CCDC178: variants seen among roughly 807,000 people sequenced by gnomAD.
CCDC178 encodes the protein coiled-coil domain-containing protein 178.
CCDC178 carries 126 observed loss-of-function variants against 117.4 expected under a neutral mutation model. The observed-to-expected ratio is 1.07, with a 90% CI of 0.93 to 1.24. The LOEUF is 1.24. Among genes scored for constraint, CCDC178 ranks in the 50% most tolerant of loss-of-function variants. The pLI, the probability that CCDC178 is intolerant of heterozygous loss-of-function variation, is 0.00. For synonymous variants in CCDC178, 283 were observed against 313.4 expected (o/e 0.90, Z 1.02); for missense variants, 1,030 against 986.9 (o/e 1.04, Z -0.59).
rs532501843 is a variant in CCDC178, at chr18:33,219,355, G to T, written c.1933-3660C>A. ...ACTGTAAACTAGTTCAACCATTGTGGAAGACAGTGTGGCAATTCCTCAAGG... is the reference window on the plus strand; with the variant it reads ...ACTGTAAACTAGTTCAACCATTGTGTAAGACAGTGTGGCAATTCCTCAAGG... On this transcript the variant is annotated intron_variant, in intron 18 of 22. Transcript: ENST00000383096. Among the ~76,000 whole-genome samples the T allele has an allele frequency of 2.9e-3, 434 of 152,198 alleles. 2 individuals are homozygous for T. Among genetic ancestry groups the T allele is most frequent in the Non-Finnish European group, 4.9e-3 (331 of 68,006 alleles).
At chr18:33,439,335 G>T (rs1425084912) in intron 2 of CCDC178, among the ~76,000 whole-genome samples, 1 of 151,978 alleles carries the variant, frequency 6.6e-6, no homozygotes, top group Non-Finnish European at 1.5e-5. Context: ...ATCTGAGGTG[G>T]GAGCAGGAGA....
intron 3 of CCDC178, among the ~76,000 whole-genome samples, chr18:33,399,352 G>A (rs2063680652): frequency 6.6e-6 from 1 of 152,150 alleles, no homozygotes. Context: ...CTCAAAGTAG[G>A]ACAATGAAGT....
intron 9 of CCDC178, among the ~76,000 whole-genome samples, chr18:33,339,634 T>C (rs1353841033): frequency 6.6e-6 from 1 of 151,872 alleles, no homozygotes; most frequent in East Asian, 1.9e-4. Flanking sequence ...CCACATGTTG[T>C]GGAAGGGACC....
At chr18:33,253,302 A>G (rs2059638064) in intron 14 of CCDC178, among the ~76,000 whole-genome samples, 1 of 151,862 alleles carries the variant, frequency 6.6e-6, no homozygotes, top group African/African-American at 2.4e-5. Context: ...TGAACAGTAT[A>G]CCATATATTG....
intron 3 of CCDC178, among the ~76,000 whole-genome samples, chr18:33,399,159 C>T (rs551785538): frequency 6.6e-6 from 1 of 151,464 alleles, no homozygotes; most frequent in African/African-American, 2.4e-5. Context: ...GAGATCACGC[C>T]ACTGCACTCC....
At chr18:33,288,386 T>C (rs1599110514) in intron 12 of CCDC178, among the ~76,000 whole-genome samples, 1 of 65,844 alleles carries the variant, frequency 1.5e-5, no homozygotes. Flanking sequence ...TCCCCTCCTC[T>C]CCCCCCCTCC....
intron 14 of CCDC178, among the ~76,000 whole-genome samples, 172 bp from the exon 15 acceptor site, chr18:33,245,600 C>T (rs2059540806): frequency 6.6e-6 from 1 of 151,832 alleles, no homozygotes; most frequent in Non-Finnish European, 1.5e-5. Context: ...ATTTATTCTG[C>T]TGCTTCTGAT....
intron 6 of CCDC178, among the ~76,000 whole-genome samples, chr18:33,368,299 T>G (rs2063245103): frequency 6.6e-6 from 1 of 152,018 alleles, no homozygotes; most frequent in Non-Finnish European, 1.5e-5. Flanking sequence ...GTGCCTCAGA[T>G]GTATGCAGAA....
Position 32,982,931 on chromosome 18 carries a change from C to T in CCDC178, c.2389-8250G>A, listed in dbSNP as rs961523697. On this transcript the variant is annotated intron_variant, in intron 21 of 22. Transcript: ENST00000383096. ...TTGTCCAAACCCATAGAATGTACAACACCAAGAGTGAACCCTAAAGTATGA... is the reference window on the plus strand; with the variant it reads ...TTGTCCAAACCCATAGAATGTACAATACCAAGAGTGAACCCTAAAGTATGA... 1.0e-3 allele frequency among the ~76,000 whole-genome samples: 157 copies of T among 152,134 alleles called. 1 individual carries two copies. Among genetic ancestry groups the T allele is most frequent in the Non-Finnish European group, 2.1e-4 (14 of 67,970 alleles).
intron 20 of CCDC178, among the ~76,000 whole-genome samples, chr18:33,203,775 T>C (rs1380608878): frequency 6.6e-6 from 1 of 152,226 alleles, no homozygotes; most frequent in Non-Finnish European, 1.5e-5. Context: ...ATCATCCTCC[T>C]CATTGCTCCC....
intron 3 of CCDC178, among the ~76,000 whole-genome samples, chr18:33,409,172 C>T (rs1482774460): frequency 2.6e-5 from 4 of 152,148 alleles, no homozygotes; most frequent in Non-Finnish European, 4.4e-5. Flanking sequence ...CGACATCTGC[C>T]TCCTTGGTTC....
intron 22 of CCDC178, 66 bp downstream of exon 22, chr18:32,974,481 A>T: frequency 1.4e-6 from 2 of 1,454,170 alleles, no homozygotes; most frequent in Non-Finnish European, 1.9e-6. Context: ...GCTTCATCAC[A>T]CTACCCATCA....
chr18:33,316,511 C>G (rs1282916352), intron 11 of CCDC178, among the ~76,000 whole-genome samples: 1 of 152,080 alleles, frequency 6.6e-6, no homozygotes, highest in Non-Finnish European at 1.5e-5. Flanking sequence ...GCCTCCCTGA[C>G]GAGCGCCGCC....
intron 21 of CCDC178, among the ~76,000 whole-genome samples, chr18:33,042,045 T>C (rs972067519): frequency 1.3e-5 from 2 of 151,936 alleles, no homozygotes; most frequent in African/African-American, 4.8e-5. Context: ...TATTTTGATA[T>C]TCATTGAAGT....
intron 15 of CCDC178, among the ~76,000 whole-genome samples, chr18:33,234,784 A>G (rs1369986191): frequency 6.6e-6 from 1 of 152,166 alleles, no homozygotes; most frequent in Non-Finnish European, 1.5e-5. Context: ...TCATAACTCA[A>G]TAAAAGCTAT....
At chr18:33,244,426 C>T (rs1782967627) in intron 15 of CCDC178, among the ~76,000 whole-genome samples, 1 of 151,844 alleles carries the variant, frequency 6.6e-6, no homozygotes, top group South Asian at 2.1e-4. Context: ...ATAATCCCCA[C>T]ATGTCAAGGG....
chr18:33,050,943 C>T (rs749245438), intron 21 of CCDC178, among the ~76,000 whole-genome samples: 5 of 151,978 alleles, frequency 3.3e-5, no homozygotes, highest in African/African-American at 1.2e-4. Context: ...GATAGAGTCT[C>T]GGTCTGTCAC....
intron 20 of CCDC178, among the ~76,000 whole-genome samples, chr18:33,124,785 G>C (rs184416171): frequency 2.6e-5 from 4 of 152,330 alleles, no homozygotes; most frequent in Admixed American, 2.6e-4. Context: ...CACAAAGGCT[G>C]TGTCAGAGTA....
At chr18:33,317,378 C>G (rs1302704374) in intron 11 of CCDC178, among the ~76,000 whole-genome samples, 1 of 152,130 alleles carries the variant, frequency 6.6e-6, no homozygotes. Context: ...GGAAGAAACT[C>G]CGAACACATC....
Sources: gnomAD v4.1 joint callset for allele counts (sites outside exome capture counted in the v4.1 genomes callset) on GRCh38, gnomAD v4.1.1 for gene constraint, MANE v1.5 for transcripts, NCBI Gene and HGNC (gene_info 2026-07-23, HGNC 2026-07-21) for gene names.